The following SIPA1L3 variants were observed in gnomAD, a reference collection of about 807,000 sequenced individuals.
The protein encoded by SIPA1L3 is signal induced proliferation associated 1 like 3.
In SIPA1L3, 59 loss-of-function variants were observed where a neutral mutation model predicts 150.1. The ratio of observed to expected loss-of-function variants is 0.39; its 90% CI spans 0.32 to 0.49. SIPA1L3 has a LOEUF of 0.49. Ranked by LOEUF, SIPA1L3 falls within the 20% of genes least tolerant of loss-of-function variation. SIPA1L3 has a pLI of 0.86. For synonymous variants in SIPA1L3, 1,070 were observed against 1,077.6 expected (o/e 0.99, Z 0.14); for missense variants, 2,211 against 2,489.5 (o/e 0.89, Z 2.38).
At chr19:38,205,974 C>G (rs979276676) in intron 21 of SIPA1L3, 123 bp from the exon 22 acceptor site, 3 of 1,174,152 alleles carry the variant, frequency 2.6e-6, no homozygotes, top group East Asian at 2.8e-5. Context: ...CCCGGCCTGG[C>G]CTGGCTCTAG....
rs1363864608 is a variant in SIPA1L3, at chr19:38,081,360, C to G, written c.-206C>G. 5.3e-6 allele frequency: 3 copies of G among 562,488 alleles called. No individual in the cohort carries two copies. Among genetic ancestry groups the G allele is most frequent in the African/African-American group, 1.9e-5 (1 of 53,616 alleles). The allele number at this position is 562,488 out of a possible 1,614,324, so 34.8% of individuals were successfully genotyped here. On this transcript the variant is annotated 5_prime_UTR_variant, in exon 3 of 22. Transcript: ENST00000222345. ...CGGTCTGGAGCCCCCAGGACAGCAC[C>G]TGCTTCCTGAGGTTGTCCTGGCTCA...
rs10567552 is a variant in SIPA1L3 at position 38,101,400 on chromosome 19, CTTGTTGTTG to C, written c.2029+189_2029+197del. On this transcript the variant is annotated intron_variant, in intron 6 of 21. Transcript: ENST00000222345. The stretch of plus-strand genomic sequence containing the variant: ...CACTTTATTTTTTCGTGTTGTTGTA[CTTGTTGTTG>C]TTGTTGTTGTTGTTTTTGAGACAGA... Among the ~76,000 whole-genome samples the C allele has an allele frequency of 5.3e-5, 8 of 151,944 alleles. No homozygotes were observed. The South Asian group carries it at 6.3e-4, about 12-fold the overall frequency.
intron 9 of SIPA1L3, among the ~76,000 whole-genome samples, chr19:38,121,148 C>G (rs1361152503): frequency 6.6e-6 from 1 of 151,692 alleles, no homozygotes; most frequent in East Asian, 1.9e-4. Flanking sequence ...TTGAGACCAG[C>G]CTGGGCAATA....
intron 15 of SIPA1L3, among the ~76,000 whole-genome samples, chr19:38,169,281 C>T (rs2145994750): frequency 6.6e-6 from 1 of 152,106 alleles, no homozygotes; most frequent in South Asian, 2.1e-4. Context: ...CCCAGCTATT[C>T]TGGAGGCTGA....
In SIPA1L3 at chr19:38,141,976, AAAAAT is replaced by A. The variant is rs140743573; in HGVS notation, c.3395+556_3395+560del. ...CAGACTGAGCAATACCTTATCTCTGAAAAATAAAATAAAATAAAACTGTTATTTTT... is the reference window on the plus strand; with the variant it reads ...CAGACTGAGCAATACCTTATCTCTGAAAAATAAAATAAAACTGTTATTTTT... On this transcript the variant is annotated intron_variant, in intron 11 of 21. Coordinates refer to ENST00000222345, the MANE Select transcript of SIPA1L3 (RefSeq NM_015073.3). Among the ~76,000 whole-genome samples, 222 of 152,276 alleles carry A rather than the reference AAAAAT, an allele frequency of 1.5e-3. 2 individuals carry two copies. In the East Asian group the frequency reaches 0.018, roughly 12 times the overall value.
At chr19:38,181,566 G>A (rs1250804289) in intron 15 of SIPA1L3, among the ~76,000 whole-genome samples, 3 of 151,808 alleles carry the variant, frequency 2.0e-5, no homozygotes, top group Admixed American at 6.6e-5. Context: ...AAGGTTGACC[G>A]GGTGCGGTGG....
intron 1 of SIPA1L3, among the ~76,000 whole-genome samples, chr19:38,009,113 C>T (rs1311335280): frequency 1.3e-5 from 2 of 152,186 alleles, no homozygotes; most frequent in East Asian, 3.9e-4. Context: ...CGGCTCACTG[C>T]AACCTCCGCC....
intron 4 of SIPA1L3, among the ~76,000 whole-genome samples, chr19:38,099,665 G>C (rs997650452): frequency 6.6e-6 from 1 of 152,084 alleles, no homozygotes; most frequent in African/African-American, 2.4e-5. Context: ...AATGAAGGTA[G>C]TTTACATTAT....
chr19:37,914,156 G>T (rs920011506), intron 1 of SIPA1L3, among the ~76,000 whole-genome samples: 5 of 152,048 alleles, frequency 3.3e-5, no homozygotes, highest in East Asian at 3.9e-4. Flanking sequence ...CCTTAGCTTT[G>T]ATGGTCAGGG....
intron 8 of SIPA1L3, among the ~76,000 whole-genome samples, chr19:38,111,772 G>A (rs950154947): frequency 6.6e-5 from 10 of 152,216 alleles, no homozygotes; most frequent in African/African-American, 2.4e-4. Flanking sequence ...CCTGCCCATC[G>A]GTTCCTGGAA....
rs1392297355 is a variant in SIPA1L3, at chr19:38,207,955, C to A, written c.*1715C>A. ...TCAGCCCTGGCCAGCTACTGTGATG[C>A]CATCTTCTCCCCCATCCCCTTCTCT... On this transcript the variant is annotated 3_prime_UTR_variant, in exon 22 of 22. Coordinates refer to ENST00000222345, the MANE Select transcript of SIPA1L3 (RefSeq NM_015073.3). 6.6e-6 allele frequency: 1 copy of A among 152,408 alleles called. No individual in the cohort carries two copies. Among genetic ancestry groups the A allele is most frequent in the Non-Finnish European group, 1.5e-5 (1 of 68,004 alleles). The allele number at this position is 152,408 out of a possible 1,614,324, so 9.4% of individuals were successfully genotyped here. A position where few individuals can be genotyped will look rare whatever the true frequency, so the allele number is the denominator to read the frequency against.
At chr19:38,114,444 A>T (rs1219149440) in intron 8 of SIPA1L3, among the ~76,000 whole-genome samples, 1 of 151,206 alleles carries the variant, frequency 6.6e-6, no homozygotes, top group Non-Finnish European at 1.5e-5. Flanking sequence ...AAAAAAAAAA[A>T]ATTGCAAAGC....
chr19:38,191,231 A>T (rs1331585281), intron 16 of SIPA1L3, among the ~76,000 whole-genome samples: 1 of 151,520 alleles, frequency 6.6e-6, no homozygotes, highest in East Asian at 1.9e-4. Context: ...ACCTAGTAGG[A>T]CCCCATCTTT....
intron 1 of SIPA1L3, among the ~76,000 whole-genome samples, chr19:37,909,290 C>T (rs11083441): frequency 0.38 from 57,675 of 152,036 alleles, 13,785 homozygotes; most frequent in East Asian, 0.7. Context: ...TCACTGAAGC[C>T]TCCGTCTCCC....
At chr19:38,059,758 C>T (rs570951188) in intron 2 of SIPA1L3, among the ~76,000 whole-genome samples, 1 of 152,148 alleles carries the variant, frequency 6.6e-6, no homozygotes, top group East Asian at 1.9e-4. Flanking sequence ...CCCCCATGGG[C>T]TCTGGCCACC....
chr19:38,126,711 T>A (rs1170577114), intron 9 of SIPA1L3, among the ~76,000 whole-genome samples: 1 of 151,740 alleles, frequency 6.6e-6, no homozygotes, highest in Non-Finnish European at 1.5e-5. Flanking sequence ...TAATTTTGTA[T>A]TTTTAGTAGA....
rs141030442 is a variant in SIPA1L3, at chr19:37,908,984, A to G, written c.-379+1626A>G. Among the ~76,000 whole-genome samples, 107 of 152,288 alleles carry G rather than the reference A, an allele frequency of 7.0e-4. 1 individual carries two copies. The highest frequency in any genetic ancestry group is 2.5e-3 in the African/African-American group (104 of 41,570). ...AAGAAGTGGCTGTTTCTTGGGCACC[A>G]TAAACTCAGCATGTCCAACCTGAAC... On this transcript the variant is annotated intron_variant, in intron 1 of 21. Coordinates refer to ENST00000222345, the MANE Select transcript of SIPA1L3 (RefSeq NM_015073.3).
intron 1 of SIPA1L3, among the ~76,000 whole-genome samples, chr19:38,005,569 G>A (rs1193422708): frequency 2.6e-5 from 4 of 152,098 alleles, no homozygotes; most frequent in South Asian, 2.1e-4. Context: ...AGCCCACCCC[G>A]CCCTTCTTCC....
intron 13 of SIPA1L3, among the ~76,000 whole-genome samples, chr19:38,158,193 A>G (rs1361205581): frequency 6.6e-6 from 1 of 152,112 alleles, no homozygotes; most frequent in Non-Finnish European, 1.5e-5. Flanking sequence ...AGATTGTGCC[A>G]CTGCACTCCA....
Sources: gnomAD v4.1 joint callset for allele counts (sites outside exome capture counted in the v4.1 genomes callset) on GRCh38, gnomAD v4.1.1 for gene constraint, MANE v1.5 for transcripts, NCBI Gene and HGNC (gene_info 2026-07-23, HGNC 2026-07-21) for gene names.